LCK: variants seen among roughly 807,000 people sequenced by gnomAD.
LCK encodes LCK proto-oncogene, Src family tyrosine kinase.
Under a neutral mutation model 64.6 loss-of-function variants are expected in LCK, and 14 were observed. The ratio of observed to expected loss-of-function variants is 0.22; its 90% CI spans 0.14 to 0.34. LCK has a LOEUF of 0.34. LCK is among the 10% of genes least tolerant of loss of function. The pLI is 1.00. For missense variants in LCK, 434 were observed against 668.1 expected, an observed-to-expected ratio of 0.65 and a Z score of 3.86; for synonymous variants, 277 against 263.6, an observed-to-expected ratio of 1.05 and a Z score of -0.49.
At position 32,279,999 on chromosome 1, in the gene LCK, G is replaced by A. The variant is rs761594487; in HGVS notation, c.1195+5G>A. 15 of 1,614,150 alleles carry A rather than the reference G, an allele frequency of 9.3e-6. No individual in the cohort carries two copies. The highest frequency in any genetic ancestry group is 4.0e-5 in the African/African-American group (3 of 75,040). Reference sequence around the variant, plus strand: ...ACGAGTACACAGCCAGGGAGGGTACGTGTGAGATTTAAGGGTGGTCTGGGC... The same window carrying A: ...ACGAGTACACAGCCAGGGAGGGTACATGTGAGATTTAAGGGTGGTCTGGGC... On this transcript the variant is annotated splice_donor_5th_base_variant and intron_variant, in intron 11 of 12. Transcript: ENST00000336890.
chr1:32,255,800 ATTTT>A (rs58539932), intron 1 of LCK, among the ~76,000 whole-genome samples: 2 of 133,400 alleles, frequency 1.5e-5, no homozygotes, highest in Non-Finnish European at 1.6e-5. Context: ...CATTAAATTT[ATTTT>A]TTTTTTTTTT....
At chr1:32,274,063 G>A (rs1177173258) in intron 1 of LCK, 14 of 582,438 alleles carry the variant, frequency 2.4e-5, no homozygotes, top group Middle Eastern at 4.5e-4. Context: ...TGCCTGTGGC[G>A]GTTTGCCCAT....
chr1:32,281,679 TAGGGGGG>T (rs2124374418), intron 12 of LCK, among the ~76,000 whole-genome samples: 1 of 150,838 alleles, frequency 6.6e-6, no homozygotes, highest in South Asian at 2.1e-4. Context: ...AAGACAGGAG[TAGGGGGG>T]TCATGCGGCA....
intron 1 of LCK, among the ~76,000 whole-genome samples, chr1:32,264,126 C>T (rs549110312): frequency 6.6e-6 from 1 of 152,120 alleles, no homozygotes; most frequent in Non-Finnish European, 1.5e-5. Flanking sequence ...TTTTCATATG[C>T]ACAGACTTGC....
chr1:32,265,013 C>G (rs1417031479), intron 1 of LCK, among the ~76,000 whole-genome samples: 3 of 152,036 alleles, frequency 2.0e-5, no homozygotes, highest in Admixed American at 6.6e-5. Context: ...TCAAGACCAG[C>G]TTGGGCAACA....
At chr1:32,280,253 A>T in intron 12 of LCK, 43 bp downstream of exon 12, 1 of 1,609,992 alleles carries the variant, frequency 6.2e-7, no homozygotes, top group Non-Finnish European at 8.5e-7. Context: ...TGGGAAGGGC[A>T]AGTCCATGTC....
intron 12 of LCK, among the ~76,000 whole-genome samples, chr1:32,284,982 G>C (rs1640572045): frequency 6.7e-6 from 1 of 148,426 alleles, no homozygotes; most frequent in South Asian, 2.1e-4. Context: ...GCAACATAGT[G>C]AGATCCCTTA....
chr1:32,252,749 G>C (rs116132992), intron 1 of LCK, among the ~76,000 whole-genome samples: 1 of 152,322 alleles, frequency 6.6e-6, no homozygotes, highest in Non-Finnish European at 1.5e-5. Context: ...CTGAGCATTG[G>C]TTCAGAGGAG....
chr1:32,278,135 C>T (rs1640338194), intron 9 of LCK, among the ~76,000 whole-genome samples: 1 of 152,142 alleles, frequency 6.6e-6, no homozygotes, highest in African/African-American at 2.4e-5. Context: ...GCTGTGATTG[C>T]ACCACTGCAC....
At chr1:32,265,544 C>G (rs1639886035) in intron 1 of LCK, among the ~76,000 whole-genome samples, 1 of 152,220 alleles carries the variant, frequency 6.6e-6, no homozygotes, top group African/African-American at 2.4e-5. Context: ...TAGAGTTCCT[C>G]TGATCTTAAT....
intron 1 of LCK, among the ~76,000 whole-genome samples, chr1:32,262,230 G>T (rs1418861219): frequency 7.0e-6 from 1 of 143,042 alleles, no homozygotes; most frequent in African/African-American, 2.6e-5. Context: ...GTCGGGTGCC[G>T]TGGCTCACAC....
Position 32,276,914 on chromosome 1 carries a change from C to G in LCK, c.964+128C>G, listed in dbSNP as rs189024971. The G allele has an allele frequency of 7.9e-6, 8 of 1,008,578 alleles. No homozygotes were observed. In the Admixed American group the frequency reaches 1.3e-4, roughly 16 times the overall value. The allele number at this position is 1,008,578 out of a possible 1,614,324, so 62.5% of individuals were successfully genotyped here. On this transcript the variant is annotated intron_variant, in intron 9 of 12. Transcript: ENST00000336890. This position sits in a 1 kb window ranked among gnomAD's most constrained non-coding sequence, Gnocchi z 4.6. ...GAGGGTTTCTTGAGCTTTCCTGCCCCCTGGAGACTCACCTCCAGCCGGGCG... is the reference window on the plus strand; with the variant it reads ...GAGGGTTTCTTGAGCTTTCCTGCCCGCTGGAGACTCACCTCCAGCCGGGCG...
intron 1 of LCK, among the ~76,000 whole-genome samples, chr1:32,256,042 A>G (rs1639623930): frequency 6.6e-6 from 1 of 152,082 alleles, no homozygotes; most frequent in African/African-American, 2.4e-5. Context: ...CTGAGGCAGG[A>G]AGATCTCTTG....
Position 32,286,088 on chromosome 1 carries a change from T to G in LCK, c.*372T>G. 2.9e-6 allele frequency: 1 copy of G among 340,392 alleles called. No homozygotes were observed. The highest frequency in any genetic ancestry group is 4.1e-5 in the Admixed American group (1 of 24,386). 21.1% of individuals were successfully genotyped at this position (340,392 alleles called of 1,614,324 possible). ...CCTCAAGGGCCAGGACTTTATCTAA[T>G]ACCTCTGTGTGCTCCTCCTTGGTGC... is the stretch of plus-strand genomic sequence containing the variant. On this transcript the variant is annotated 3_prime_UTR_variant, in exon 13 of 13. Coordinates refer to ENST00000336890, the MANE Select transcript of LCK (RefSeq NM_005356.5).
At chr1:32,259,739 G>A (rs1020376214) in intron 1 of LCK, among the ~76,000 whole-genome samples, 1 of 152,024 alleles carries the variant, frequency 6.6e-6, no homozygotes, top group East Asian at 1.9e-4. Flanking sequence ...GAGCCCGGGA[G>A]GTCGAGGCTT....
At chr1:32,265,959 G>A (rs564308267) in intron 1 of LCK, among the ~76,000 whole-genome samples, 27 of 152,128 alleles carry the variant, frequency 1.8e-4, no homozygotes, top group South Asian at 4.1e-4. Context: ...TACAGCACCC[G>A]GCCTTGTTTT....
intron 1 of LCK, among the ~76,000 whole-genome samples, chr1:32,257,788 G>A (rs1376519570): frequency 6.6e-5 from 10 of 152,154 alleles, no homozygotes; most frequent in African/African-American, 1.4e-4. Flanking sequence ...GTATATTCAC[G>A]TTACTGGTTG....
chr1:32,283,146 G>A (rs538476942), intron 12 of LCK, among the ~76,000 whole-genome samples: 140 of 151,970 alleles, frequency 9.2e-4, no homozygotes, highest in African/African-American at 3.0e-3. Context: ...AAAATTAACC[G>A]GGTGTGGTGG....
chr1:32,283,406 CA>C (rs1193412113), intron 12 of LCK, among the ~76,000 whole-genome samples: 1 of 151,766 alleles, frequency 6.6e-6, no homozygotes, highest in East Asian at 1.9e-4. Flanking sequence ...TTTCCAGGAG[CA>C]AAACTTTGAT....
Sources: gnomAD v4.1 joint callset for allele counts (sites outside exome capture counted in the v4.1 genomes callset) on GRCh38, gnomAD v4.1.1 for gene constraint, Gnocchi (gnomAD v3.1) non-coding constraint, MANE v1.5 for transcripts, NCBI Gene and HGNC (gene_info 2026-07-23, HGNC 2026-07-21) for gene names.